The following MCTP2 variants were observed in gnomAD, a reference collection of about 807,000 sequenced individuals.
MCTP2 encodes multiple C2 and transmembrane domain containing 2, also known as multiple C2 and transmembrane domain-containing protein 2.
Under a neutral mutation model 111.6 loss-of-function variants are expected in MCTP2, and 132 were observed. The ratio of observed to expected loss-of-function variants is 1.18; its 90% CI spans 1.03 to 1.37. MCTP2 has a LOEUF of 1.37. Ranked by LOEUF, MCTP2 falls within the 40% of genes most tolerant of loss-of-function variation. The probability of loss-of-function intolerance (pLI) is 0.00; values close to 1 mark genes in which losing one functional copy is unlikely to be tolerated. For missense variants in MCTP2, 1,183 were observed against 1,067.9 expected (o/e 1.11, Z -1.50); for synonymous variants, 395 against 387.7 (o/e 1.02, Z -0.22).
intron 1 of MCTP2, among the ~76,000 whole-genome samples, chr15:94,253,266 A>C (rs1002134306): frequency 6.6e-6 from 1 of 152,076 alleles, no homozygotes; most frequent in Non-Finnish European, 1.5e-5. Flanking sequence ...ATCCAGTTAG[A>C]CTATATAGTG....
At chr15:94,272,298 AGT>A (rs1181862147) in intron 1 of MCTP2, among the ~76,000 whole-genome samples, 2 of 152,164 alleles carry the variant, frequency 1.3e-5, no homozygotes, top group Non-Finnish European at 2.9e-5. Context: ...TGATCAAGGA[AGT>A]GTGTGTGGGT....
chr15:94,244,389 A>C (rs1242167177), intron 1 of MCTP2, among the ~76,000 whole-genome samples: 1 of 149,410 alleles, frequency 6.7e-6, no homozygotes, highest in Non-Finnish European at 1.5e-5. Context: ...TATACACATA[A>C]ATATGTATAT....
intron 17 of MCTP2, among the ~76,000 whole-genome samples, chr15:94,439,341 T>A (rs911786256): frequency 6.6e-6 from 1 of 151,842 alleles, no homozygotes; most frequent in African/African-American, 2.4e-5. Flanking sequence ...TTCAAGCACT[T>A]ACAGACAGCT....
At chr15:94,314,888 A>G (rs1299713152) in intron 3 of MCTP2, 2 of 397,616 alleles carry the variant, frequency 5.0e-6, no homozygotes, top group Non-Finnish European at 1.0e-5. Flanking sequence ...GATTAGAGTA[A>G]GAGACACTAA....
intron 19 of MCTP2, among the ~76,000 whole-genome samples, chr15:94,450,123 A>T (rs923222727): frequency 3.3e-5 from 5 of 152,198 alleles, no homozygotes; most frequent in African/African-American, 1.2e-4. Flanking sequence ...CACAAAAAAA[A>T]GTGTTGGTAA....
intron 2 of MCTP2, among the ~76,000 whole-genome samples, chr15:94,300,523 AAG>A: frequency 6.6e-6 from 1 of 151,120 alleles, no homozygotes; most frequent in African/African-American, 2.4e-5. Context: ...AAAAAAAAAA[AAG>A]AACTTTTATT....
chr15:94,426,124 G>A (rs1342347510), intron 17 of MCTP2, among the ~76,000 whole-genome samples: 2 of 122,252 alleles, frequency 1.6e-5, no homozygotes, highest in Admixed American at 1.8e-4. Context: ...AGATGCCAGA[G>A]AGAGAGAGAG....
At chr15:94,313,055 C>T (rs141824418) in intron 2 of MCTP2, among the ~76,000 whole-genome samples, 3 of 152,266 alleles carry the variant, frequency 2.0e-5, no homozygotes, top group Non-Finnish European at 2.9e-5. Context: ...CCGGGGCTGC[C>T]TCTCATCTCC....
intron 9 of MCTP2, among the ~76,000 whole-genome samples, chr15:94,357,577 A>C (rs576625811): frequency 6.6e-6 from 1 of 151,284 alleles, no homozygotes; most frequent in African/African-American, 2.4e-5. Flanking sequence ...TTTTTTCCCA[A>C]CCTGGTTTCT....
intron 1 of MCTP2, among the ~76,000 whole-genome samples, chr15:94,291,555 C>T (rs572216539): frequency 1.3e-5 from 2 of 151,512 alleles, no homozygotes; most frequent in African/African-American, 2.4e-5. Flanking sequence ...GAGCTGAGAT[C>T]GTGCCACTGC....
At chr15:94,352,944 C>T (rs959405341) in intron 8 of MCTP2, among the ~76,000 whole-genome samples, 2 of 152,166 alleles carry the variant, frequency 1.3e-5, no homozygotes, top group Non-Finnish European at 2.9e-5. Flanking sequence ...TTAAAGTACA[C>T]CTCCTCCAGC....
chr15:94,461,456 G>A (rs1284527928), intron 20 of MCTP2, among the ~76,000 whole-genome samples: 1 of 152,090 alleles, frequency 6.6e-6, no homozygotes, highest in Non-Finnish European at 1.5e-5. Context: ...TGAGACTCCA[G>A]CTCAAAAAAG....
intron 4 of MCTP2, among the ~76,000 whole-genome samples, chr15:94,326,889 T>G (rs1029075106): frequency 1.6e-4 from 24 of 147,008 alleles, no homozygotes; most frequent in African/African-American, 5.8e-4. Flanking sequence ...GCCATATCTT[T>G]GTTAATTTGA....
rs1415853023 is a variant in MCTP2 at position 94,482,684 on chromosome 15, A to G, written c.*3650A>G. On this transcript the variant is annotated 3_prime_UTR_variant, in exon 23 of 23. Coordinates refer to ENST00000357742, the MANE Select transcript of MCTP2 (RefSeq NM_001385001.1). ...GTTAAAGGCAAACATTGTATATGAA[A>G]AGTGATCAAAACTACATGCTTCAAG... 1 of 152,250 alleles carries G rather than the reference A, an allele frequency of 6.6e-6. No individual in the cohort carries two copies. Among genetic ancestry groups the G allele is most frequent in the Non-Finnish European group, 1.5e-5 (1 of 68,044 alleles). The allele number at this position is 152,250 out of a possible 1,614,324, so 9.4% of individuals were successfully genotyped here. A position where few individuals can be genotyped will look rare whatever the true frequency, so the allele number is the denominator to read the frequency against.
intron 20 of MCTP2, among the ~76,000 whole-genome samples, chr15:94,459,060 A>T (rs982595270): frequency 2.0e-5 from 3 of 152,080 alleles, no homozygotes; most frequent in African/African-American, 7.2e-5. Flanking sequence ...TACATTATCA[A>T]CTCTGCATTA....
intron 21 of MCTP2, among the ~76,000 whole-genome samples, chr15:94,472,307 G>T (rs998024059): frequency 6.6e-6 from 1 of 152,188 alleles, no homozygotes; most frequent in African/African-American, 2.4e-5. Context: ...AATCCGGGAG[G>T]CGGAAGTTGC....
intron 17 of MCTP2, among the ~76,000 whole-genome samples, chr15:94,411,997 A>ATAT (rs1451350265): frequency 5.9e-5 from 9 of 152,166 alleles, no homozygotes; most frequent in Admixed American, 5.9e-4. Flanking sequence ...CAAAACAGAA[A>ATAT]TATACTTGTG....
chr15:94,239,060 AAAC>A (rs1372592753), intron 1 of MCTP2, among the ~76,000 whole-genome samples: 2 of 152,108 alleles, frequency 1.3e-5, no homozygotes, highest in Non-Finnish European at 2.9e-5. Flanking sequence ...CCCAAATTAA[AAAC>A]AAAAATACCA....
chr15:94,329,070 C>G (rs1030730249), intron 4 of MCTP2, among the ~76,000 whole-genome samples: 5 of 152,270 alleles, frequency 3.3e-5, no homozygotes, highest in Middle Eastern at 3.4e-3. Context: ...GCTGCGTCAT[C>G]TTTTATGATG....
Sources: gnomAD v4.1 joint callset for allele counts (sites outside exome capture counted in the v4.1 genomes callset) on GRCh38, gnomAD v4.1.1 for gene constraint, MANE v1.5 for transcripts, NCBI Gene and HGNC (gene_info 2026-07-23, HGNC 2026-07-21) for gene names.